HSPA4: variants seen among roughly 807,000 people sequenced by gnomAD.
HSPA4 encodes heat shock 70 kDa protein 4.
HSPA4 carries 25 observed loss-of-function variants against 106.2 expected under a neutral mutation model. The ratio of observed to expected loss-of-function variants is 0.24; its 90% CI spans 0.17 to 0.33. The LOEUF is 0.33. Among genes scored for constraint, HSPA4 ranks in the 10% least tolerant of loss-of-function variants. The pLI, the probability that HSPA4 is intolerant of heterozygous loss-of-function variation, is 1.00. For synonymous variants in HSPA4, 332 were observed against 333.6 expected (o/e 1.00, Z 0.05); for missense variants, 841 against 996.0 (o/e 0.84, Z 2.10).
chr5:133,073,346 A>T lies in HSPA4; in HGVS notation c.529+17A>T. Reference sequence around the variant, plus strand: ...CCACTGCAGGTAAGGAGGACCGTTGATTATTTTTTTGACTTGGTTAATCTT... The same window carrying T: ...CCACTGCAGGTAAGGAGGACCGTTGTTTATTTTTTTGACTTGGTTAATCTT... On this transcript the variant is annotated intron_variant, in intron 5 of 18. Transcript: ENST00000304858. 1 of 1,509,758 alleles carries T rather than the reference A, an allele frequency of 6.6e-7. No homozygotes were observed. Among genetic ancestry groups the T allele is most frequent in the Non-Finnish European group, 9.1e-7 (1 of 1,096,750 alleles). 93.5% of individuals were successfully genotyped at this position (1,509,758 alleles called of 1,614,324 possible).
intron 3 of HSPA4, 135 bp from the exon 4 acceptor site, chr5:133,070,239 C>CT (rs113739155): frequency 0.24 from 157,750 of 666,428 alleles, 5,164 homozygotes; most frequent in South Asian, 0.27. Context: ...CGAAAACTAG[C>CT]TTTTTTTTTT....
intron 16 of HSPA4, among the ~76,000 whole-genome samples, chr5:133,100,013 A>G (rs1026240821): frequency 6.6e-6 from 1 of 152,040 alleles, no homozygotes; most frequent in Non-Finnish European, 1.5e-5. Flanking sequence ...GATAAAAGCA[A>G]AGCATCTGGT....
intron 1 of HSPA4, among the ~76,000 whole-genome samples, chr5:133,054,053 T>C (rs937747991): frequency 2.1e-5 from 3 of 143,828 alleles, no homozygotes; most frequent in African/African-American, 7.5e-5. Flanking sequence ...TTCAGAAGTC[T>C]CACATTTCCT....
rs189086913 is a variant in HSPA4, at chr5:133,099,511, A to T, written c.1930-34A>T. The T allele has an allele frequency of 3.6e-3, 4,021 of 1,126,262 alleles. 9 individuals carry two copies. The highest frequency in any genetic ancestry group is 4.9e-3 in the Non-Finnish European group (3,637 of 747,152). 69.8% of individuals were successfully genotyped at this position (1,126,262 alleles called of 1,614,324 possible). ...GACTGTATTGGGGATGTAATTTTTG[A>T]TTGACCTAATTATAATATTTTCTTT... On this transcript the variant is annotated intron_variant, in intron 15 of 18. Transcript: ENST00000304858.
rs1765851899 is a variant in HSPA4 at position 133,105,931 on chromosome 5, A to G, written c.*1495A>G. The G allele has an allele frequency of 1.3e-5, 2 of 151,890 alleles. No homozygotes were observed. Among genetic ancestry groups the G allele is most frequent in the Non-Finnish European group, 1.5e-5 (1 of 67,950 alleles). The allele number at this position is 151,890 out of a possible 1,614,324, so 9.4% of individuals were successfully genotyped here. A position where few individuals can be genotyped will look rare whatever the true frequency, so the allele number is the denominator to read the frequency against. ...TGCATGGAGGCCTCGAGGCACCACAACAAGGCCAGGTTCTTAGCACATCCT... is the reference window on the plus strand; with the variant it reads ...TGCATGGAGGCCTCGAGGCACCACAGCAAGGCCAGGTTCTTAGCACATCCT... On this transcript the variant is annotated 3_prime_UTR_variant, in exon 19 of 19. Transcript: ENST00000304858.
chr5:133,062,327 G>C (rs1217085385), intron 1 of HSPA4, among the ~76,000 whole-genome samples: 6 of 152,186 alleles, frequency 3.9e-5, no homozygotes, highest in Non-Finnish European at 7.3e-5. Flanking sequence ...AAAAAGGGCT[G>C]CAGGAAACAA....
rs558870770 is a variant in HSPA4 at position 133,084,957 on chromosome 5, G to A, written c.909-1825G>A. Among the ~76,000 whole-genome samples the A allele has an allele frequency of 3.3e-5, 5 of 151,774 alleles. No homozygotes were observed. In the East Asian group the frequency reaches 5.8e-4, roughly 18 times the overall value. The stretch of plus-strand genomic sequence containing the variant: ...TGGGTAGCTGAGACTACAGGTGTGC[G>A]CCACCATGCCTGGCTAATTTCTTGT... On this transcript the variant is annotated intron_variant, in intron 7 of 18. Coordinates refer to ENST00000304858, the MANE Select transcript of HSPA4 (RefSeq NM_002154.4).
Position 133,089,948 on chromosome 5 carries a change from A to C in HSPA4, c.1378+253A>C, listed in dbSNP as rs72667114. Among the ~76,000 whole-genome samples the C allele has an allele frequency of 0.014, 2,155 of 152,316 alleles. 250 individuals are homozygous for C. In the East Asian group the frequency reaches 0.29, roughly 21 times the overall value. On this transcript the variant is annotated intron_variant, in intron 11 of 18. Transcript: ENST00000304858. ...AAATTTAGGGGCTTTAGATTGCAAA[A>C]GAAAACCTCTTCCAGTCTCGTTAGC... is the stretch of plus-strand genomic sequence containing the variant.
At chr5:133,086,635 A>G (rs954011759) in intron 7 of HSPA4, 147 bp from the exon 8 acceptor site, 42 of 604,404 alleles carry the variant, frequency 6.9e-5, no homozygotes, top group African/African-American at 5.6e-4. Context: ...TTCATTTTCT[A>G]TTACCTGGGA....
intron 5 of HSPA4, among the ~76,000 whole-genome samples, chr5:133,073,704 G>C (rs1765413113): frequency 6.6e-6 from 1 of 152,152 alleles, no homozygotes; most frequent in African/African-American, 2.4e-5. Context: ...CATAGCATAG[G>C]GGTAGAAAAG....
intron 7 of HSPA4, among the ~76,000 whole-genome samples, chr5:133,084,276 C>A (rs1374964420): frequency 6.6e-6 from 1 of 152,032 alleles, no homozygotes; most frequent in East Asian, 1.9e-4. Flanking sequence ...ATTTGTTGTT[C>A]TTCTGTATTG....
In HSPA4 at chr5:133,099,668, G is replaced by T; in HGVS notation, c.2037+16G>T. 1 of 1,395,312 alleles carries T rather than the reference G, an allele frequency of 7.2e-7. No homozygotes were observed. Among genetic ancestry groups the T allele is most frequent in the South Asian group, 1.2e-5 (1 of 84,570 alleles). The allele number at this position is 1,395,312 out of a possible 1,614,324, so 86.4% of individuals were successfully genotyped here. A position where few individuals can be genotyped will look rare whatever the true frequency, so the allele number is the denominator to read the frequency against. ...TGAATTAAAAGTAAGTGACTCTTGA[G>T]AGCAGAGGTATCCAGAACCCTTGTT... On this transcript the variant is annotated intron_variant, in intron 16 of 18. Transcript: ENST00000304858.
chr5:133,074,281 CT>C, intron 6 of HSPA4, among the ~76,000 whole-genome samples, 155 bp downstream of exon 6: 1 of 141,334 alleles, frequency 7.1e-6, no homozygotes, highest in African/African-American at 2.7e-5. Context: ...TCTTTTTTTT[CT>C]CTTTTTTTTT....
chr5:133,105,781 A>G lies in HSPA4; in HGVS notation c.*1345A>G, dbSNP rs903238470. The G allele has an allele frequency of 1.1e-4, 16 of 152,176 alleles. No homozygotes were observed. The highest frequency in any genetic ancestry group is 3.9e-4 in the African/African-American group (16 of 41,442). The allele number at this position is 152,176 out of a possible 1,614,324, so 9.4% of individuals were successfully genotyped here. A position where few individuals can be genotyped will look rare whatever the true frequency, so the allele number is the denominator to read the frequency against. ...ATAAGATGCTATCTTGCATAGTTAG[A>G]ATTAAGCGTTTGTCCATCTCTAGAT... On this transcript the variant is annotated 3_prime_UTR_variant, in exon 19 of 19. Transcript: ENST00000304858.
chr5:133,066,908 G>A (rs1226861864), intron 2 of HSPA4, among the ~76,000 whole-genome samples: 1 of 151,824 alleles, frequency 6.6e-6, no homozygotes, highest in Non-Finnish European at 1.5e-5. Flanking sequence ...TAGAGACAGC[G>A]TTTCACCATG....
chr5:133,092,405 A>C (rs980409213), intron 12 of HSPA4, among the ~76,000 whole-genome samples: 1 of 152,190 alleles, frequency 6.6e-6, no homozygotes, highest in Non-Finnish European at 1.5e-5. Context: ...GTATTAAATG[A>C]TGCCACATTG....
intron 7 of HSPA4, among the ~76,000 whole-genome samples, chr5:133,083,058 C>G (rs181689552): frequency 6.6e-6 from 1 of 151,536 alleles, no homozygotes; most frequent in East Asian, 2.0e-4. Context: ...TTGCTTGGAC[C>G]CGGGAGGTGG....
At chr5:133,084,603 T>G (rs2126708474) in intron 7 of HSPA4, among the ~76,000 whole-genome samples, 2 of 152,176 alleles carry the variant, frequency 1.3e-5, no homozygotes, top group South Asian at 4.2e-4. Flanking sequence ...CCCAAATAGC[T>G]GGGATTACAG....
intron 7 of HSPA4, among the ~76,000 whole-genome samples, chr5:133,084,759 C>T (rs780489146): frequency 5.9e-5 from 9 of 152,068 alleles, no homozygotes; most frequent in African/African-American, 1.4e-4. Context: ...CATGAGCCAC[C>T]GCACCCAGCC....
Sources: gnomAD v4.1 joint callset for allele counts (sites outside exome capture counted in the v4.1 genomes callset) on GRCh38, gnomAD v4.1.1 for gene constraint, MANE v1.5 for transcripts, NCBI Gene and HGNC (gene_info 2026-07-23, HGNC 2026-07-21) for gene names.